PCM1: variants seen among roughly 807,000 people sequenced by gnomAD.
PCM1 encodes the protein pericentriolar material 1 protein.
PCM1 carries 157 observed loss-of-function variants against 241.9 expected under a neutral mutation model. The ratio of observed to expected loss-of-function variants is 0.65; its 90% confidence interval spans 0.57 to 0.74. The LOEUF (loss-of-function observed/expected upper bound fraction) is 0.74. PCM1 is among the 30% of genes least tolerant of loss of function. PCM1 has a pLI of 0.00. For synonymous variants in PCM1, 1,085 were observed against 784.9 expected (o/e 1.38, Z -6.39); for missense variants, 3,478 against 2,360.1 (o/e 1.47, Z -9.81).
intron 2 of PCM1, among the ~76,000 whole-genome samples, chr8:17,932,428 G>T (rs937533294): frequency 1.3e-5 from 2 of 151,944 alleles, no homozygotes; most frequent in African/African-American, 4.8e-5. Flanking sequence ...TCCTTTTACT[G>T]TCATTAGGAT....
At chr8:18,019,791 G>C (rs62498204) in intron 36 of PCM1, among the ~76,000 whole-genome samples, 1 of 152,166 alleles carries the variant, frequency 6.6e-6, no homozygotes, top group African/African-American at 2.4e-5. Context: ...TATTTGGCCT[G>C]GTTCTTAACA....
intron 36 of PCM1, among the ~76,000 whole-genome samples, chr8:18,021,301 A>T (rs2093733799): frequency 6.6e-6 from 1 of 152,222 alleles, no homozygotes. Flanking sequence ...GAAAAAGATT[A>T]TGAAAGCAGA....
At chr8:17,961,542 C>T (rs535394331) in intron 15 of PCM1, among the ~76,000 whole-genome samples, 1 of 152,068 alleles carries the variant, frequency 6.6e-6, no homozygotes, top group African/African-American at 2.4e-5. Context: ...CAGTCTCCTG[C>T]CGTCGTGATC....
intron 23 of PCM1, among the ~76,000 whole-genome samples, chr8:17,974,721 G>T (rs548629155): frequency 6.6e-6 from 1 of 152,046 alleles, no homozygotes; most frequent in African/African-American, 2.4e-5. Flanking sequence ...TTAACTTCAA[G>T]ACAAAGATTG....
At position 18,028,844 on chromosome 8, in the gene PCM1, G is replaced by A. The variant is rs1213145747; in HGVS notation, c.*1182G>A. ...CCCATAAAAAAAGAACTTGTTGAGAGTATTTCTTTAAAATGGTTACTTGCT... is the reference window on the plus strand; with the variant it reads ...CCCATAAAAAAAGAACTTGTTGAGAATATTTCTTTAAAATGGTTACTTGCT... On this transcript the variant is annotated 3_prime_UTR_variant, in exon 39 of 39. Coordinates refer to ENST00000325083, the MANE Select transcript of PCM1 (RefSeq NM_006197.4). 1.1e-5 allele frequency: 2 copies of A among 184,714 alleles called. No individual in the cohort carries two copies. The highest frequency in any genetic ancestry group is 2.3e-5 in the Non-Finnish European group (2 of 87,138). The allele number at this position is 184,714 out of a possible 1,614,324, so 11.4% of individuals were successfully genotyped here. A position where few individuals can be genotyped will look rare whatever the true frequency, so the allele number is the denominator to read the frequency against.
Position 17,953,078 on chromosome 8 carries a change from G to C in PCM1, c.1180G>C (p.Val394Leu). The part of the protein sequence containing the change: ...SASERLPDEK[V>L]ELFSKMRVLQ... Reference sequence around the variant, plus strand: ...TTCAGAACGTTTACCTGATGAGAAAGTCGAACTTTTTAGCAAAATGAGAGT... The same window carrying C: ...TTCAGAACGTTTACCTGATGAGAAACTCGAACTTTTTAGCAAAATGAGAGT... Residue 394 changes from valine (V) to leucine (L), a missense_variant, in exon 9 of 39, where the codon GTC (valine) becomes CTC (leucine). Coordinates refer to ENST00000325083, the MANE Select transcript of PCM1 (RefSeq NM_006197.4). The C allele has an allele frequency of 7.5e-6, 12 of 1,605,218 alleles. No individual in the cohort carries two copies. The highest frequency in any genetic ancestry group is 1.0e-5 in the Non-Finnish European group (12 of 1,175,364).
chr8:18,009,881 C>A (rs946738949), intron 31 of PCM1, 137 bp downstream of exon 31: 1 of 503,972 alleles, frequency 2.0e-6, no homozygotes, highest in Non-Finnish European at 3.3e-6. Flanking sequence ...CATTATAAGT[C>A]ATTACATATG....
chr8:17,973,511 G>A (rs1327386969), intron 23 of PCM1, among the ~76,000 whole-genome samples: 1 of 152,038 alleles, frequency 6.6e-6, no homozygotes, highest in Non-Finnish European at 1.5e-5. Context: ...CTGAGAGCAG[G>A]AGTTTGAGAC....
At chr8:18,005,192 T>A (rs140787200) in intron 29 of PCM1, among the ~76,000 whole-genome samples, 3 of 152,272 alleles carry the variant, frequency 2.0e-5, no homozygotes, top group African/African-American at 7.2e-5. Context: ...CAGTAAGTAA[T>A]GTCTCCTGTG....
chr8:18,029,023 T>A lies in PCM1; in HGVS notation c.*1361T>A, dbSNP rs2094388878. ...AAAATTAGCTGGGAGAGGTGGCACG[T>A]GCCTGTAGTCCTAGCTACTTGGGAG... On this transcript the variant is annotated 3_prime_UTR_variant, in exon 39 of 39. Coordinates refer to ENST00000325083, the MANE Select transcript of PCM1 (RefSeq NM_006197.4). 1 of 177,274 alleles carries A rather than the reference T, an allele frequency of 5.6e-6. No individual in the cohort carries two copies. The allele number at this position is 177,274 out of a possible 1,614,324, so 11.0% of individuals were successfully genotyped here. A position where few individuals can be genotyped will look rare whatever the true frequency, so the allele number is the denominator to read the frequency against.
chr8:17,963,035 C>G (rs997085535), intron 16 of PCM1, 66 bp from the exon 17 acceptor site: 2 of 1,197,254 alleles, frequency 1.7e-6, no homozygotes, highest in African/African-American at 1.5e-5. Flanking sequence ...TACTAGTAGT[C>G]TTTTACTCTT....
chr8:17,923,992 T>TTTTTG (rs2055759090), intron 1 of PCM1, among the ~76,000 whole-genome samples: 1 of 99,392 alleles, frequency 1.0e-5, no homozygotes, highest in African/African-American at 3.5e-5. Flanking sequence ...GGTTTAATTT[T>TTTTTG]TTTTGTTTTG....
chr8:17,948,847 T>C (rs1010958313), intron 7 of PCM1, among the ~76,000 whole-genome samples: 11 of 152,224 alleles, frequency 7.2e-5, no homozygotes, highest in African/African-American at 2.7e-4. Flanking sequence ...TTAAAAGCTT[T>C]CCTTTGGTAG....
At chr8:17,967,356 TG>T (rs1315924660) in intron 21 of PCM1, among the ~76,000 whole-genome samples, 186 bp downstream of exon 21, 1 of 151,828 alleles carries the variant, frequency 6.6e-6, no homozygotes, top group Non-Finnish European at 1.5e-5. Flanking sequence ...TTGTCCAGGC[TG>T]GAATGCAGTG....
chr8:17,960,478 AAAG>A (rs1225085741), intron 15 of PCM1, 34 bp downstream of exon 15: 2 of 1,551,388 alleles, frequency 1.3e-6, no homozygotes, highest in African/African-American at 2.8e-5. Context: ...TTGTCTGAAA[AAAG>A]ATGTTTAAAA....
chr8:17,960,343 C>G lies in PCM1; in HGVS notation c.2221C>G (p.Gln741Glu). ...GAAATTTTATGAGGCTAAACTACAG[C>G]AGCAACAGAGAGAGCTAAAACAATT... ...REKFYEAKLQ[Q>E]QQRELKQLQE... The change falls in exon 15 of 39, where the codon CAG becomes GAG. Residue 741 changes from glutamine (Q) to glutamate (E), a missense_variant. By Grantham distance (29) the Gln-to-Glu change is conservative. Transcript: ENST00000325083. The G allele has an allele frequency of 6.3e-7, 1 of 1,596,036 alleles. No homozygotes were observed. Among genetic ancestry groups the G allele is most frequent in the Non-Finnish European group, 8.5e-7 (1 of 1,175,054 alleles).
intron 36 of PCM1, among the ~76,000 whole-genome samples, chr8:18,019,986 T>C (rs1439386580): frequency 1.3e-5 from 2 of 152,198 alleles, no homozygotes; most frequent in Non-Finnish European, 2.9e-5. Context: ...ATACTGCAGA[T>C]CTTGAGTCCC....
rs558366056 is a variant in PCM1 at position 17,963,200 on chromosome 8, G to A, written c.2563G>A (p.Gly855Ser). The change falls in exon 17 of 39, where the codon GGT (glycine) becomes AGT (serine). Residue 855 changes from glycine to serine, a missense_variant. Gly to Ser is a moderately conservative substitution (Grantham distance 56). Transcript: ENST00000325083. ...GATGGCTGAACATCAGAGGAGGCAA[G>A]GTCTAGCTGAAACTGCATCTCCAGT... is the stretch of plus-strand genomic sequence containing the variant. ...ALMAEHQRRQ[G>S]LAETASPVAV... 1.2e-5 allele frequency: 20 copies of A among 1,613,650 alleles called. 1 individual carries two copies. The South Asian group carries it at 2.2e-4, about 18-fold the overall frequency.
chr8:17,962,054 T>G lies in PCM1; in HGVS notation c.2343T>G (p.Gly781=), dbSNP rs768251227. 1.9e-6 allele frequency: 3 copies of G among 1,611,332 alleles called. No homozygotes were observed. In the Admixed American group the frequency reaches 5.0e-5, roughly 27 times the overall value. The part of the protein sequence containing the change: ...PDLQLSAASV[G]NCPTKKYMPA... The stretch of plus-strand genomic sequence containing the variant: ...TTTAGCTGTCAGCTGCTAGTGTGGG[T>G]AACTGTCCCACCAAAAAATATATGC... Residue 781 remains glycine, a synonymous_variant, in exon 16 of 39, where the codon GGT becomes GGG. Transcript: ENST00000325083.
Sources: gnomAD v4.1 joint callset for allele counts (sites outside exome capture counted in the v4.1 genomes callset) on GRCh38, gnomAD v4.1.1 for gene constraint, MANE v1.5 for transcripts, NCBI Gene and HGNC (gene_info 2026-07-23, HGNC 2026-07-21) for gene names.